ATG10: variants seen among roughly 807,000 people sequenced by gnomAD.
The protein encoded by ATG10 is autophagy related 10.
A neutral mutation model predicts 32.1 loss-of-function variants in ATG10; 30 were observed. That is an observed-to-expected ratio of 0.94 (90% CI 0.70 to 1.27). The LOEUF (loss-of-function observed/expected upper bound fraction) is 1.27. Ranked by LOEUF, ATG10 falls within the 50% of genes most tolerant of loss-of-function variation. The pLI is 0.00. For synonymous variants in ATG10, 87 were observed against 91.5 expected (o/e 0.95, Z 0.28); for missense variants, 233 against 262.3 (o/e 0.89, Z 0.77).
intron 5 of ATG10, among the ~76,000 whole-genome samples, chr5:82,232,324 C>A (rs1289737419): frequency 6.6e-6 from 1 of 152,108 alleles, no homozygotes; most frequent in African/African-American, 2.4e-5. Context: ...ATAAACGTAC[C>A]ACCTGAAAGT....
intron 2 of ATG10, among the ~76,000 whole-genome samples, chr5:82,048,940 A>G (rs1487257205): frequency 6.6e-6 from 1 of 151,258 alleles, no homozygotes; most frequent in Admixed American, 6.6e-5. Context: ...ACACTTTTAC[A>G]CTGTTGGTGG....
chr5:82,039,619 A>C (rs1474792687), intron 2 of ATG10, among the ~76,000 whole-genome samples: 1 of 152,254 alleles, frequency 6.6e-6, no homozygotes, highest in East Asian at 1.9e-4. Flanking sequence ...GTTAAAAAGT[A>C]TGCAAGATAA....
chr5:82,076,658 T>C (rs1022040850), intron 3 of ATG10, among the ~76,000 whole-genome samples: 1 of 152,214 alleles, frequency 6.6e-6, no homozygotes, highest in African/African-American at 2.4e-5. Context: ...TATTTAAGTG[T>C]AGCCAGAGAG....
chr5:82,234,050 A>G (rs1240596299), intron 5 of ATG10, among the ~76,000 whole-genome samples: 1 of 152,164 alleles, frequency 6.6e-6, no homozygotes, highest in Non-Finnish European at 1.5e-5. Context: ...GAATGTAAAT[A>G]TGAGGAGAAA....
intron 3 of ATG10, among the ~76,000 whole-genome samples, chr5:82,131,846 A>C (rs963942632): frequency 2.6e-5 from 4 of 152,128 alleles, no homozygotes; most frequent in Non-Finnish European, 5.9e-5. Flanking sequence ...TGCAGGCTGT[A>C]CAAGAAGCAT....
chr5:82,041,303 A>AT (rs1210280778), intron 2 of ATG10, among the ~76,000 whole-genome samples: 1 of 152,184 alleles, frequency 6.6e-6, no homozygotes, highest in South Asian at 2.1e-4. Context: ...CAGGGCAGAG[A>AT]TTTTATGTAT....
At chr5:81,995,757 A>G (rs1383615533) in intron 2 of ATG10, among the ~76,000 whole-genome samples, 1 of 152,242 alleles carries the variant, frequency 6.6e-6, no homozygotes, top group Non-Finnish European at 1.5e-5. Context: ...ATGTCCTGTC[A>G]TCAGCTGATG....
At chr5:82,227,138 C>T (rs1054072280) in intron 5 of ATG10, among the ~76,000 whole-genome samples, 3 of 151,880 alleles carry the variant, frequency 2.0e-5, no homozygotes, top group African/African-American at 4.8e-5. Flanking sequence ...CCTATATGCC[C>T]CCTCTTGTAA....
chr5:82,097,733 T>A (rs1444399284), intron 3 of ATG10, among the ~76,000 whole-genome samples: 4 of 152,184 alleles, frequency 2.6e-5, no homozygotes, highest in African/African-American at 7.2e-5. Context: ...AGAATGTTTT[T>A]AACTATTGTT....
At chr5:82,048,595 A>C (rs958227590) in intron 2 of ATG10, among the ~76,000 whole-genome samples, 16 of 152,338 alleles carry the variant, frequency 1.1e-4, no homozygotes, top group Admixed American at 2.6e-4. Context: ...AGAAACTACC[A>C]TTAGAGTGAA....
chr5:82,220,690 C>T (rs951216184), intron 5 of ATG10, among the ~76,000 whole-genome samples: 4 of 150,608 alleles, frequency 2.7e-5, no homozygotes, highest in African/African-American at 7.3e-5. Flanking sequence ...AGTGCAGTAG[C>T]GTGATCTTGG....
rs557011199 is a variant in ATG10 at position 82,004,460 on chromosome 5, A to G, written c.108+16782A>G. On this transcript the variant is annotated intron_variant, in intron 2 of 7. Transcript: ENST00000282185. ...GAGATGGAGAACCAAGGTAATTGACACTATGGGAAGCAAACACAACAATCC... is the reference window on the plus strand; with the variant it reads ...GAGATGGAGAACCAAGGTAATTGACGCTATGGGAAGCAAACACAACAATCC... Among the ~76,000 whole-genome samples the G allele has an allele frequency of 3.3e-5, 5 of 152,322 alleles. No homozygotes were observed. In the East Asian group the frequency reaches 7.7e-4, roughly 23 times the overall value.
At chr5:82,234,552 C>T (rs528600904) in intron 5 of ATG10, among the ~76,000 whole-genome samples, 5 of 152,266 alleles carry the variant, frequency 3.3e-5, no homozygotes, top group Middle Eastern at 3.4e-3. Flanking sequence ...GTCATTTCCT[C>T]TGTGTATATT....
At chr5:82,132,034 G>C (rs1766560043) in intron 3 of ATG10, among the ~76,000 whole-genome samples, 1 of 152,026 alleles carries the variant, frequency 6.6e-6, no homozygotes, top group Non-Finnish European at 1.5e-5. Flanking sequence ...ATTGTGAGGA[G>C]AGCACCAAGC....
In ATG10 at chr5:82,178,472, T is replaced by C; in HGVS notation, c.356-18T>C. The stretch of plus-strand genomic sequence containing the variant: ...TCACATGAATTACTAACTCAGTCTT[T>C]ACCATGCACTTTCACAGATGGGAGA... On this transcript the variant is annotated intron_variant, in intron 4 of 7. Transcript: ENST00000282185. The C allele has an allele frequency of 6.7e-7, 1 of 1,483,848 alleles. No individual in the cohort carries two copies. Among genetic ancestry groups the C allele is most frequent in the African/African-American group, 1.4e-5 (1 of 72,196 alleles). The allele number at this position is 1,483,848 out of a possible 1,614,324, so 91.9% of individuals were successfully genotyped here. A position where few individuals can be genotyped will look rare whatever the true frequency, so the allele number is the denominator to read the frequency against.
At position 82,167,996 on chromosome 5, in the gene ATG10, C is replaced by G. The variant is rs767205278; in HGVS notation, c.355+3459C>G. 1.4e-4 allele frequency among the ~76,000 whole-genome samples: 21 copies of G among 152,128 alleles called. 1 individual carries two copies. Among genetic ancestry groups the G allele is most frequent in the Non-Finnish European group, 2.2e-4 (15 of 68,012 alleles). On this transcript the variant is annotated intron_variant, in intron 4 of 7. Transcript: ENST00000282185. ...ACGTCTGTTGAGTAATAATAAATAGCCTACATTGGAATAGTGCCTTATAGT... is the reference window on the plus strand; with the variant it reads ...ACGTCTGTTGAGTAATAATAAATAGGCTACATTGGAATAGTGCCTTATAGT...
chr5:82,082,803 A>G (rs951298150), intron 3 of ATG10, among the ~76,000 whole-genome samples: 2 of 152,190 alleles, frequency 1.3e-5, no homozygotes, highest in Non-Finnish European at 2.9e-5. Flanking sequence ...AATTCCAATC[A>G]TGGTTGTCTT....
chr5:82,081,845 C>T (rs570233214), intron 3 of ATG10, among the ~76,000 whole-genome samples: 1 of 152,038 alleles, frequency 6.6e-6, no homozygotes, highest in South Asian at 2.1e-4. Context: ...TCTGCCAGGC[C>T]TTGGTATCAG....
rs1377957755 is a variant in ATG10, at chr5:82,254,235, G to C, written c.*172G>C. Reference sequence around the variant, plus strand: ...GTCTACAGCAACTGGTGTTTGATAGGCTGAATGTTTAGAAGAAACACTTCA... The same window carrying C: ...GTCTACAGCAACTGGTGTTTGATAGCCTGAATGTTTAGAAGAAACACTTCA... On this transcript the variant is annotated 3_prime_UTR_variant, in exon 8 of 8. Coordinates refer to ENST00000282185, the MANE Select transcript of ATG10 (RefSeq NM_031482.5). The C allele has an allele frequency of 6.6e-6, 1 of 152,112 alleles. No individual in the cohort carries two copies. The highest frequency in any genetic ancestry group is 1.5e-5 in the Non-Finnish European group (1 of 68,018). 9.4% of individuals were successfully genotyped at this position (152,112 alleles called of 1,614,324 possible).
Sources: allele counts gnomAD v4.1 joint callset (sites outside exome capture counted in the v4.1 genomes callset), GRCh38; gene constraint gnomAD v4.1.1; transcripts MANE v1.5; gene names NCBI Gene and HGNC (gene_info 2026-07-23, HGNC 2026-07-21).